Variants in ATE1 observed in about 807,000 individuals in gnomAD.
ATE1 encodes arginyl-tRNA--protein transferase 1.
Under a neutral mutation model 70.5 loss-of-function variants are expected in ATE1, and 36 were observed. That is an observed-to-expected ratio of 0.51 (90% CI 0.39 to 0.67). ATE1 has a LOEUF of 0.67. ATE1 is among the 30% of genes least tolerant of loss of function. The probability of loss-of-function intolerance (pLI) is 0.00; values close to 1 mark genes in which losing one functional copy is unlikely to be tolerated. For missense variants in ATE1, 593 were observed against 629.5 expected, an observed-to-expected ratio of 0.94 and a Z score of 0.62; for synonymous variants, 232 against 219.3, an observed-to-expected ratio of 1.06 and a Z score of -0.51.
chr10:121,846,830 T>C lies in ATE1; in HGVS notation c.976-5567A>G, dbSNP rs565031239. The C allele has an allele frequency of 8.5e-5, 13 of 152,322 alleles. 1 individual carries two copies. The highest frequency in any genetic ancestry group is 3.1e-4 in the African/African-American group (13 of 41,582). 9.4% of individuals were successfully genotyped at this position (152,322 alleles called of 1,614,324 possible). ...AAACCAGTTTTAGTATTCACTGTCA[T>C]ATACAGCATGGCTCTTTAAAAAAAG... On this transcript the variant is annotated intron_variant, in intron 8 of 11. Transcript: ENST00000224652.
intron 3 of ATE1, among the ~76,000 whole-genome samples, chr10:121,920,583 AG>A (rs1423051957): frequency 6.7e-6 from 1 of 150,106 alleles, no homozygotes; most frequent in African/African-American, 2.5e-5. Context: ...ATAAGAGAGA[AG>A]ATTTTTCTAT....
chr10:121,803,129 A>C (rs1194173450), intron 10 of ATE1, among the ~76,000 whole-genome samples: 1 of 151,820 alleles, frequency 6.6e-6, no homozygotes, highest in African/African-American at 2.4e-5. Flanking sequence ...CTCCCCTTCC[A>C]CCCCCTGACC....
chr10:121,811,951 C>CTT (rs71022870), intron 10 of ATE1, among the ~76,000 whole-genome samples: 1,587 of 74,690 alleles, frequency 0.021, 64 homozygotes, highest in East Asian at 0.18. Context: ...ATTCCAAATT[C>CTT]TTTTTTTTTT....
chr10:121,796,878 G>A (rs114335948), intron 10 of ATE1, among the ~76,000 whole-genome samples: 153 of 152,312 alleles, frequency 1.0e-3, no homozygotes, highest in African/African-American at 3.6e-3. Context: ...TCACTTGCAT[G>A]CTTTAGCCTA....
At chr10:121,826,276 CATT>C (rs1051584860) in intron 10 of ATE1, among the ~76,000 whole-genome samples, 152 of 152,094 alleles carry the variant, frequency 1.0e-3, no homozygotes, top group African/African-American at 3.4e-3. Context: ...AGAGGGTAAA[CATT>C]ATGTGTATTT....
chr10:121,846,531 AT>A (rs1198167671), intron 8 of ATE1: 1 of 152,078 alleles, frequency 6.6e-6, no homozygotes, highest in African/African-American at 2.4e-5. Flanking sequence ...ACAAGAGAGG[AT>A]TTACTAAGGT....
intron 11 of ATE1, among the ~76,000 whole-genome samples, chr10:121,753,231 T>C (rs988464440): frequency 1.3e-5 from 2 of 152,364 alleles, no homozygotes; most frequent in Middle Eastern, 3.4e-3. Flanking sequence ...GGATTTTCTA[T>C]GTACAAGGTC....
intron 11 of ATE1, among the ~76,000 whole-genome samples, chr10:121,748,723 A>C (rs1944464759): frequency 6.6e-6 from 1 of 152,138 alleles, no homozygotes. Flanking sequence ...AATCCATAAT[A>C]AAGTATCTTA....
chr10:121,789,146 C>G (rs1163449453), intron 11 of ATE1, among the ~76,000 whole-genome samples: 1 of 152,144 alleles, frequency 6.6e-6, no homozygotes, highest in African/African-American at 2.4e-5. Context: ...TTTTAATCCT[C>G]ATTACAGCTA....
At chr10:121,806,288 C>G (rs1947092519) in intron 10 of ATE1, among the ~76,000 whole-genome samples, 1 of 152,024 alleles carries the variant, frequency 6.6e-6, no homozygotes, top group Non-Finnish European at 1.5e-5. Flanking sequence ...CCTGTCTCCA[C>G]CAAAAAATAT....
chr10:121,820,361 A>C (rs1022595033), intron 10 of ATE1, among the ~76,000 whole-genome samples: 4 of 152,224 alleles, frequency 2.6e-5, no homozygotes, highest in African/African-American at 9.6e-5. Flanking sequence ...TATTATAGAA[A>C]AATTGTAAAT....
chr10:121,832,790 A>C (rs1165573035), intron 10 of ATE1, among the ~76,000 whole-genome samples: 2 of 152,228 alleles, frequency 1.3e-5, no homozygotes, highest in Non-Finnish European at 2.9e-5. Flanking sequence ...TTGGCCTCTA[A>C]GTAAAAGACA....
chr10:121,799,729 G>C (rs1452886691), intron 10 of ATE1, among the ~76,000 whole-genome samples: 1 of 152,166 alleles, frequency 6.6e-6, no homozygotes, highest in African/African-American at 2.4e-5. Flanking sequence ...TTTATTGCCA[G>C]TAAGTGTCTT....
intron 11 of ATE1, among the ~76,000 whole-genome samples, chr10:121,753,927 A>C (rs1944691210): frequency 6.6e-6 from 1 of 152,224 alleles, no homozygotes; most frequent in African/African-American, 2.4e-5. Context: ...ATTCTGCCCC[A>C]TGTGGTCAAG....
At chr10:121,792,305 T>C (rs1422396499) in intron 10 of ATE1, among the ~76,000 whole-genome samples, 1 of 152,182 alleles carries the variant, frequency 6.6e-6, no homozygotes, top group Non-Finnish European at 1.5e-5. Context: ...CTGGGGGACA[T>C]TCTGGGCAGC....
intron 10 of ATE1, among the ~76,000 whole-genome samples, chr10:121,791,073 TG>T (rs1946428795): frequency 3.6e-5 from 2 of 55,338 alleles, no homozygotes; most frequent in Non-Finnish European, 8.1e-5. Context: ...TGTGTGTGTG[TG>T]TGTGTGTGTG....
intron 7 of ATE1, among the ~76,000 whole-genome samples, chr10:121,895,738 A>G (rs1950755536): frequency 6.6e-6 from 1 of 152,184 alleles, no homozygotes; most frequent in African/African-American, 2.4e-5. Flanking sequence ...AGCCTGGCCA[A>G]TGTGGCAAAA....
At chr10:121,912,357 A>G (rs1330607296) in intron 4 of ATE1, among the ~76,000 whole-genome samples, 1 of 152,146 alleles carries the variant, frequency 6.6e-6, no homozygotes, top group East Asian at 2.0e-4. Context: ...AACACTACAA[A>G]AGAAAGAGAG....
intron 10 of ATE1, among the ~76,000 whole-genome samples, chr10:121,820,270 TATC>T (rs1947741605): frequency 6.6e-6 from 1 of 152,240 alleles, no homozygotes; most frequent in South Asian, 2.1e-4. Flanking sequence ...TGAATTTAGA[TATC>T]ATCATTTTAA....
Sources: gnomAD v4.1 joint callset for allele counts (sites outside exome capture counted in the v4.1 genomes callset) on GRCh38, gnomAD v4.1.1 for gene constraint, MANE v1.5 for transcripts, NCBI Gene and HGNC (gene_info 2026-07-23, HGNC 2026-07-21) for gene names.